CNKSR2: variants seen among roughly 807,000 people sequenced by gnomAD.
The protein encoded by CNKSR2 is connector enhancer of kinase suppressor of Ras 2.
In CNKSR2, 14 loss-of-function variants were observed where a neutral mutation model predicts 84.4. The ratio of observed to expected loss-of-function variants is 0.17; its 90% CI spans 0.11 to 0.26. CNKSR2 has a LOEUF of 0.26. Ranked by LOEUF, CNKSR2 falls within the 10% of genes least tolerant of loss-of-function variation. CNKSR2 has a pLI of 1.00. For synonymous variants in CNKSR2, 275 were observed against 277.9 expected (o/e 0.99, Z 0.10); for missense variants, 485 against 771.2 (o/e 0.63, Z 4.40).
intron 4 of CNKSR2, among the ~76,000 whole-genome samples, chrX:21,455,240 T>C (rs2090982366): frequency 8.9e-6 from 1 of 111,895 alleles, no homozygotes; most frequent in South Asian, 3.7e-4. Context: ...TACTACTTTC[T>C]GAGTTTTTGG....
intron 13 of CNKSR2, among the ~76,000 whole-genome samples, chrX:21,576,043 AAC>A (rs1226267125): frequency 1.8e-5 from 2 of 112,152 alleles, no homozygotes; most frequent in Non-Finnish European, 3.8e-5. Flanking sequence ...CACTAAACAA[AAC>A]ACCAGCAAGG....
At chrX:21,594,289 A>G (rs2147256521) in intron 15 of CNKSR2, 1 of 110,965 alleles carries the variant, frequency 9.0e-6, no homozygotes, top group Admixed American at 9.6e-5. Context: ...ATGCACACAA[A>G]GAAGGGAACA....
At position 21,564,754 on chromosome X, in the gene CNKSR2, G is replaced by GT. The variant is rs35439020; in HGVS notation, c.1608+1313dup. On this transcript the variant is annotated intron_variant, in intron 13 of 21. Coordinates refer to ENST00000379510, the MANE Select transcript of CNKSR2 (RefSeq NM_014927.5). Reference sequence around the variant, plus strand: ...CCATAAAACTAGAGTGTAGAAAAATGTTTTTTTTTTTGGACTATAGTGTTA... The same window carrying GT: ...CCATAAAACTAGAGTGTAGAAAAATGTTTTTTTTTTTTGGACTATAGTGTTA... Among the ~76,000 whole-genome samples, 459 of 101,059 alleles carry GT rather than the reference G, an allele frequency of 4.5e-3. 3 individuals carry two copies. The highest frequency in any genetic ancestry group is 8.1e-3 in the East Asian group (26 of 3,226). 87.8% of individuals were successfully genotyped at this position (101,059 alleles called of 115,157 possible). A position where few individuals can be genotyped will look rare whatever the true frequency, so the allele number is the denominator to read the frequency against.
At chrX:21,530,926 C>G (rs2091880436) in intron 10 of CNKSR2, among the ~76,000 whole-genome samples, 1 of 110,158 alleles carries the variant, frequency 9.1e-6, no homozygotes, top group African/African-American at 3.3e-5. Context: ...ATGTTTTTCT[C>G]TAGAATCCTA....
At chrX:21,477,435 C>G (rs891213758) in intron 5 of CNKSR2, among the ~76,000 whole-genome samples, 1 of 107,085 alleles carries the variant, frequency 9.3e-6, no homozygotes, top group Non-Finnish European at 1.9e-5. Flanking sequence ...CTATTTTTTT[C>G]TTTTGTTACT....
intron 5 of CNKSR2, among the ~76,000 whole-genome samples, chrX:21,471,825 C>G (rs2091201198): frequency 9.0e-6 from 1 of 111,316 alleles, no homozygotes; most frequent in African/African-American, 3.3e-5. Flanking sequence ...CCTTATTAGT[C>G]CAGGAGGGAA....
At chrX:21,602,344 A>T (rs752991788) in intron 18 of CNKSR2, among the ~76,000 whole-genome samples, 1 of 111,151 alleles carries the variant, frequency 9.0e-6, no homozygotes, top group Non-Finnish European at 1.9e-5. Flanking sequence ...TGTTTTTTGT[A>T]GAGACGGAAT....
intron 20 of CNKSR2, among the ~76,000 whole-genome samples, chrX:21,609,895 T>C (rs2092541368): frequency 9.0e-6 from 1 of 111,488 alleles, no homozygotes; most frequent in African/African-American, 3.3e-5. Flanking sequence ...AATGGTGTTT[T>C]TGTTTTCTTC....
intron 2 of CNKSR2, chrX:21,428,282 T>C (rs1409545476): frequency 8.9e-6 from 1 of 112,056 alleles, no homozygotes; most frequent in African/African-American, 3.2e-5. Context: ...GCATAGCCTT[T>C]GACTTTGAAG....
At chrX:21,451,366 A>C (rs989514980) in intron 4 of CNKSR2, among the ~76,000 whole-genome samples, 1 of 111,350 alleles carries the variant, frequency 9.0e-6, no homozygotes, top group Non-Finnish European at 1.9e-5. Context: ...CCAAAGGACT[A>C]TAAATCATGC....
At chrX:21,623,822 G>A (rs1047742411) in intron 20 of CNKSR2, among the ~76,000 whole-genome samples, 6 of 111,374 alleles carry the variant, frequency 5.4e-5, no homozygotes, top group African/African-American at 2.0e-4. Context: ...TCCAAAAATT[G>A]GTTTCTAATT....
chrX:21,645,392 G>A (rs931923333), intron 20 of CNKSR2: 4 of 111,978 alleles, frequency 3.6e-5, no homozygotes, highest in Admixed American at 9.5e-5. Flanking sequence ...TGTTGTAAAC[G>A]TAAATATAAT....
chrX:21,508,217 C>T (rs984591350), intron 8 of CNKSR2, among the ~76,000 whole-genome samples: 2 of 111,794 alleles, frequency 1.8e-5, no homozygotes, highest in African/African-American at 6.5e-5. Context: ...GTAGTTCAAA[C>T]TACTCAGGAG....
At chrX:21,484,269 C>G (rs765984183) in intron 5 of CNKSR2, among the ~76,000 whole-genome samples, 4 of 110,966 alleles carry the variant, frequency 3.6e-5, no homozygotes, top group African/African-American at 1.3e-4. Flanking sequence ...CCAGCCCTGG[C>G]GACAGAGTGA....
chrX:21,621,399 C>T (rs2092601031), intron 20 of CNKSR2, among the ~76,000 whole-genome samples: 1 of 111,022 alleles, frequency 9.0e-6, no homozygotes, highest in South Asian at 3.8e-4. Context: ...ATGTTTCACC[C>T]AAAGTATTTG....
intron 9 of CNKSR2, among the ~76,000 whole-genome samples, chrX:21,524,075 T>A (rs1363002199): frequency 1.8e-5 from 2 of 110,709 alleles, no homozygotes; most frequent in Non-Finnish European, 3.8e-5. Context: ...AAAAGAACGT[T>A]TATTATTTAG....
chrX:21,607,158 TCAA>T (rs936900831), intron 19 of CNKSR2, among the ~76,000 whole-genome samples: 2 of 111,688 alleles, frequency 1.8e-5, no homozygotes, highest in African/African-American at 3.3e-5. Flanking sequence ...GTGGAGATAA[TCAA>T]CAACAACAAA....
chrX:21,433,567 C>G lies in CNKSR2; in HGVS notation c.431+753C>G, dbSNP rs143255202. Among the ~76,000 whole-genome samples, 119 of 108,876 alleles carry G rather than the reference C, an allele frequency of 1.1e-3. 5 individuals are homozygous for G. In the East Asian group the frequency reaches 0.033, roughly 30 times the overall value. 94.5% of individuals were successfully genotyped at this position (108,876 alleles called of 115,157 possible). Reference sequence around the variant, plus strand: ...TTAATAATCAAATTTTAAAAATGCTCTTTGTCTTTCATAAGAAACTCTGAT... The same window carrying G: ...TTAATAATCAAATTTTAAAAATGCTGTTTGTCTTTCATAAGAAACTCTGAT... On this transcript the variant is annotated intron_variant, in intron 3 of 21. Coordinates refer to ENST00000379510, the MANE Select transcript of CNKSR2 (RefSeq NM_014927.5).
intron 11 of CNKSR2, 26 bp downstream of exon 11, chrX:21,532,093 A>G (rs1221111622): frequency 2.8e-6 from 3 of 1,055,465 alleles, no homozygotes; most frequent in Non-Finnish European, 1.3e-6. Flanking sequence ...TTATGTTTAT[A>G]TAAGACTATA....
Sources: gnomAD v4.1 joint callset for allele counts (sites outside exome capture counted in the v4.1 genomes callset) on GRCh38, gnomAD v4.1.1 for gene constraint, MANE v1.5 for transcripts, NCBI Gene and HGNC (gene_info 2026-07-23, HGNC 2026-07-21) for gene names.